ARHGAP44: variants seen among roughly 807,000 people sequenced by gnomAD.
ARHGAP44 encodes the protein rho GTPase-activating protein 44.
A neutral mutation model predicts 106.8 loss-of-function variants in ARHGAP44; 43 were observed. The ratio of observed to expected loss-of-function variants is 0.40; its 90% CI spans 0.32 to 0.52. The LOEUF (loss-of-function observed/expected upper bound fraction) is 0.52, where lower values mean the gene tolerates loss of function less well. Ranked by LOEUF, ARHGAP44 falls within the 20% of genes least tolerant of loss-of-function variation. ARHGAP44 has a pLI of 0.48. For missense variants in ARHGAP44, 866 were observed against 1,050.5 expected (o/e 0.82, Z 2.43); for synonymous variants, 439 against 410.3 (o/e 1.07, Z -0.85).
At chr17:12,972,929 G>A (rs564962125) in intron 16 of ARHGAP44, 3 of 173,382 alleles carry the variant, frequency 1.7e-5, no homozygotes, top group South Asian at 1.5e-4. Flanking sequence ...CCAAAGTGCT[G>A]GGATTACAGA....
At chr17:12,969,333 C>T (rs988479316) in intron 16 of ARHGAP44, among the ~76,000 whole-genome samples, 3 of 152,174 alleles carry the variant, frequency 2.0e-5, no homozygotes, top group Admixed American at 6.6e-5. Flanking sequence ...GCGCTTGGCA[C>T]CTATAAGCAC....
chr17:12,899,691 T>C (rs56048351), intron 3 of ARHGAP44, among the ~76,000 whole-genome samples: 80,661 of 146,092 alleles, frequency 0.55, 21,702 homozygotes, highest in East Asian at 0.61. Flanking sequence ...AGATGGACAA[T>C]CACACGGGAG....
rs190703453 is a variant in ARHGAP44, at chr17:12,990,204, T to A, written c.*33T>A. The stretch of plus-strand genomic sequence containing the variant: ...CCGCCCATCCTGCCTCGCGTGTACA[T>A]ACATCACGGGCCCTAGGAACGCCGC... On this transcript the variant is annotated 3_prime_UTR_variant, in exon 21 of 21. Coordinates refer to ENST00000379672, the MANE Select transcript of ARHGAP44 (RefSeq NM_014859.6). 6.3e-7 allele frequency: 1 copy of A among 1,592,222 alleles called. No homozygotes were observed.
chr17:12,885,318 A>T (rs2036850068), intron 1 of ARHGAP44, among the ~76,000 whole-genome samples: 1 of 143,080 alleles, frequency 7.0e-6, no homozygotes, highest in Non-Finnish European at 1.5e-5. Context: ...GGACATTCAC[A>T]GAGTAGGTGT....
intron 1 of ARHGAP44, among the ~76,000 whole-genome samples, chr17:12,794,233 C>G (rs929206270): frequency 1.3e-5 from 2 of 152,104 alleles, no homozygotes; most frequent in Non-Finnish European, 2.9e-5. Flanking sequence ...TTGGCACCCA[C>G]GAGACCCACT....
At chr17:12,831,432 A>G (rs1341746912) in intron 1 of ARHGAP44, among the ~76,000 whole-genome samples, 1 of 152,240 alleles carries the variant, frequency 6.6e-6, no homozygotes, top group Non-Finnish European at 1.5e-5. Flanking sequence ...ATGTTTCAGC[A>G]TGAACTGGAC....
chr17:12,913,233 G>A (rs1249880109), intron 4 of ARHGAP44, among the ~76,000 whole-genome samples: 2 of 152,022 alleles, frequency 1.3e-5, no homozygotes, highest in African/African-American at 4.8e-5. Flanking sequence ...CTTAGGATGA[G>A]GTTTAATTTT....
At chr17:12,838,558 G>A (rs912296997) in intron 1 of ARHGAP44, among the ~76,000 whole-genome samples, 2 of 152,164 alleles carry the variant, frequency 1.3e-5, no homozygotes, top group African/African-American at 4.8e-5. Flanking sequence ...CTTAAGTGCG[G>A]TGGCAGTGGA....
At chr17:12,790,003 C>T in intron 1 of ARHGAP44, 112 bp downstream of exon 1, 5 of 1,032,250 alleles carry the variant, frequency 4.8e-6, no homozygotes, top group Non-Finnish European at 6.7e-6. Context: ...TCAGTCCTTT[C>T]CCCTGCACCA....
intron 1 of ARHGAP44, among the ~76,000 whole-genome samples, chr17:12,883,194 G>A (rs888016308): frequency 6.7e-6 from 1 of 149,598 alleles, no homozygotes; most frequent in Non-Finnish European, 1.5e-5. Flanking sequence ...TTAAAAACTT[G>A]CTCACAAATG....
intron 1 of ARHGAP44, among the ~76,000 whole-genome samples, chr17:12,864,955 C>T (rs141603313): frequency 2.0e-5 from 3 of 152,028 alleles, no homozygotes; most frequent in East Asian, 3.9e-4. Context: ...GAAAAAGATA[C>T]GAAACTTGGA....
chr17:12,826,253 C>G (rs532328977), intron 1 of ARHGAP44, among the ~76,000 whole-genome samples: 1 of 152,172 alleles, frequency 6.6e-6, no homozygotes, highest in Admixed American at 6.5e-5. Context: ...CTGATTGGCC[C>G]CAGTGTGTGT....
chr17:12,802,967 ATATTTT>A (rs1337300038), intron 1 of ARHGAP44, among the ~76,000 whole-genome samples: 17 of 31,670 alleles, frequency 5.4e-4, no homozygotes, highest in South Asian at 1.5e-3. Flanking sequence ...ATATATATAT[ATATTTT>A]TTTTTTTTTT....
intron 16 of ARHGAP44, among the ~76,000 whole-genome samples, chr17:12,967,973 T>A (rs141223828): frequency 1.5e-3 from 235 of 152,318 alleles, no homozygotes; most frequent in African/African-American, 5.3e-3. Flanking sequence ...TCTGAATGCC[T>A]CAGTTTCTTC....
intron 1 of ARHGAP44, among the ~76,000 whole-genome samples, chr17:12,793,564 T>C (rs2150751375): frequency 6.6e-6 from 1 of 152,204 alleles, no homozygotes; most frequent in South Asian, 2.1e-4. Context: ...AAAAATTAGC[T>C]GGGCATGGTG....
intron 1 of ARHGAP44, among the ~76,000 whole-genome samples, chr17:12,833,797 A>T (rs58694453): frequency 0.047 from 7,136 of 152,270 alleles, 216 homozygotes; most frequent in African/African-American, 0.087. Flanking sequence ...TCCACGCCAT[A>T]GGTGGATTCA....
intron 1 of ARHGAP44, among the ~76,000 whole-genome samples, chr17:12,886,878 C>CA (rs1460995522): frequency 1.3e-5 from 2 of 151,324 alleles, no homozygotes; most frequent in Non-Finnish European, 2.9e-5. Context: ...TGGAGGAAAG[C>CA]ATGTAGTCTT....
At chr17:12,945,263 G>A (rs572639771) in intron 10 of ARHGAP44, among the ~76,000 whole-genome samples, 62 of 152,138 alleles carry the variant, frequency 4.1e-4, no homozygotes, top group Non-Finnish European at 7.1e-4. Context: ...GCCCACCTCC[G>A]CCTCCCAAAG....
rs190734049 is a variant in ARHGAP44 at position 12,884,221 on chromosome 17, G to A, written c.54-10719G>A. ...GCTGAGCATCTTTTGCTTTTAACTA[G>A]AATATTTAGTTTATGTATGTTTTGT... On this transcript the variant is annotated intron_variant, in intron 1 of 20. Coordinates refer to ENST00000379672, the MANE Select transcript of ARHGAP44 (RefSeq NM_014859.6). 4.5e-3 allele frequency among the ~76,000 whole-genome samples: 684 copies of A among 152,122 alleles called. 4 individuals carry two copies. The highest frequency in any genetic ancestry group is 7.7e-3 in the Non-Finnish European group (522 of 67,962).
Sources: allele counts gnomAD v4.1 joint callset (sites outside exome capture counted in the v4.1 genomes callset), GRCh38; gene constraint gnomAD v4.1.1; transcripts MANE v1.5; gene names NCBI Gene and HGNC (gene_info 2026-07-23, HGNC 2026-07-21).